GFPT1: variants seen among roughly 807,000 people sequenced by gnomAD.
GFPT1 encodes glutamine--fructose-6-phosphate transaminase 1.
In GFPT1, 40 loss-of-function variants were observed where a neutral mutation model predicts 92.0. That is an observed-to-expected ratio of 0.43 (90% confidence interval 0.34 to 0.57). The LOEUF is 0.57. Among genes scored for constraint, GFPT1 ranks in the 20% least tolerant of loss-of-function variants. The pLI is 0.02. For missense variants in GFPT1, 448 were observed against 869.1 expected (o/e 0.52, Z 6.09); for synonymous variants, 269 against 280.6 (o/e 0.96, Z 0.41).
Position 69,320,234 on chromosome 2 carries a change from A to C in GFPT1, c.*5955T>G. 6.6e-6 allele frequency: 1 copy of C among 152,206 alleles called. No homozygotes were observed. Among genetic ancestry groups the C allele is most frequent in the East Asian group, 1.9e-4 (1 of 5,200 alleles). 9.4% of individuals were successfully genotyped at this position (152,206 alleles called of 1,614,324 possible). A position where few individuals can be genotyped will look rare whatever the true frequency, so the allele number is the denominator to read the frequency against. ...GTACAATCTTAAATTATTGTTTATC[A>C]ACCTTTGGGTCTCACAGATTAAGAA... On this transcript the variant is annotated 3_prime_UTR_variant, in exon 20 of 20. Coordinates refer to ENST00000357308, the MANE Select transcript of GFPT1 (RefSeq NM_001244710.2).
In GFPT1 at chr2:69,324,702, A is replaced by T. The variant is rs1441930838; in HGVS notation, c.*1487T>A. 2.0e-5 allele frequency: 3 copies of T among 152,164 alleles called. No homozygotes were observed. Among genetic ancestry groups the T allele is most frequent in the Non-Finnish European group, 1.5e-5 (1 of 68,020 alleles). 9.4% of individuals were successfully genotyped at this position (152,164 alleles called of 1,614,324 possible). A position where few individuals can be genotyped will look rare whatever the true frequency, so the allele number is the denominator to read the frequency against. On this transcript the variant is annotated 3_prime_UTR_variant, in exon 20 of 20. Coordinates refer to ENST00000357308, the MANE Select transcript of GFPT1 (RefSeq NM_001244710.2). ...GAAAAGAAAGAAAAGAAAGGAAAAA[A>T]CAGCTTACTTAAATAATTGTGCTAA... is the stretch of plus-strand genomic sequence containing the variant.
Position 69,351,980 on chromosome 2 carries a change from G to C in GFPT1, c.740-1797C>G, listed in dbSNP as rs181206357. On this transcript the variant is annotated intron_variant, in intron 9 of 19. Coordinates refer to ENST00000357308, the MANE Select transcript of GFPT1 (RefSeq NM_001244710.2). ...ATATTACTGTATGTTAAAAAACAGA[G>C]ACCAGGCACAGTGGCTCATGCTTTT... Among the ~76,000 whole-genome samples the C allele has an allele frequency of 2.2e-3, 342 of 152,300 alleles. 2 individuals are homozygous for C. Among genetic ancestry groups the C allele is most frequent in the African/African-American group, 7.7e-3 (319 of 41,580 alleles).
rs149897038 is a variant in GFPT1 at position 69,376,491 on chromosome 2, C to G, written c.8-2378G>C. Among the ~76,000 whole-genome samples the G allele has an allele frequency of 2.6e-3, 397 of 151,628 alleles. 3 individuals carry two copies. Among genetic ancestry groups the G allele is most frequent in the Middle Eastern group, 0.014 (4 of 294 alleles). ...CCGAGATCGCACTGCTGCACTCCAG[C>G]CTGGGAGACAGAGCGAGACTCCATC... On this transcript the variant is annotated intron_variant, in intron 1 of 19. Transcript: ENST00000357308.
At position 69,328,443 on chromosome 2, in the gene GFPT1, T is replaced by C. The variant is rs369509093; in HGVS notation, c.1726-5A>G. ...ATAAGTAATTTCTTTGATTTTCTAA[T>C]AGGAAAGAACCAGATTTGTCTTCAA... On this transcript the variant is annotated splice_polypyrimidine_tract_variant and splice_region_variant and intron_variant, in intron 17 of 19. Transcript: ENST00000357308. 20 of 1,606,184 alleles carry C rather than the reference T, an allele frequency of 1.2e-5. No homozygotes were observed. The highest frequency in any genetic ancestry group is 1.7e-5 in the Non-Finnish European group (20 of 1,172,794).
intron 15 of GFPT1, among the ~76,000 whole-genome samples, chr2:69,336,609 T>C (rs1670805654): frequency 6.7e-6 from 1 of 149,722 alleles, no homozygotes; most frequent in East Asian, 1.9e-4. Context: ...AAGTAACACA[T>C]TGGACAACAT....
At chr2:69,352,797 G>T (rs560512925) in intron 9 of GFPT1, among the ~76,000 whole-genome samples, 1 of 152,080 alleles carries the variant, frequency 6.6e-6, no homozygotes, top group African/African-American at 2.4e-5. Flanking sequence ...TGTAATCCCA[G>T]CACTTTGGGA....
intron 10 of GFPT1, 130 bp downstream of exon 10, chr2:69,349,948 A>C: frequency 1.4e-6 from 1 of 712,044 alleles, no homozygotes; most frequent in Non-Finnish European, 2.5e-6. Flanking sequence ...CAAAATGGTC[A>C]CCTGTATTTC....
rs115257476 is a variant in GFPT1, at chr2:69,349,403, T to C, written c.845+675A>G. On this transcript the variant is annotated intron_variant, in intron 10 of 19. Coordinates refer to ENST00000357308, the MANE Select transcript of GFPT1 (RefSeq NM_001244710.2). ...CACACCTTACACACCTGTAAAAACA[T>C]TAAAGAGTAAAGCTTGTTTTCCCAC... 3.5e-3 allele frequency among the ~76,000 whole-genome samples: 533 copies of C among 152,300 alleles called. 3 individuals are homozygous for C. Among genetic ancestry groups the C allele is most frequent in the African/African-American group, 0.012 (515 of 41,568 alleles).
intron 13 of GFPT1, among the ~76,000 whole-genome samples, chr2:69,339,835 G>A (rs183637120): frequency 9.9e-5 from 15 of 152,140 alleles, no homozygotes; most frequent in Non-Finnish European, 1.9e-4. Context: ...GAAAATCATT[G>A]AAGATAAAAT....
intron 12 of GFPT1, among the ~76,000 whole-genome samples, chr2:69,343,414 C>CTT (rs113621682): frequency 1.3e-4 from 19 of 143,622 alleles, no homozygotes; most frequent in Admixed American, 2.8e-4. Flanking sequence ...ATCTCCTCAC[C>CTT]TTTTTTTTTT....
chr2:69,374,859 T>C (rs1370170256), intron 1 of GFPT1, among the ~76,000 whole-genome samples: 1 of 152,158 alleles, frequency 6.6e-6, no homozygotes, highest in Non-Finnish European at 1.5e-5. Flanking sequence ...ATAAATGATA[T>C]GAAAAATACT....
intron 2 of GFPT1, among the ~76,000 whole-genome samples, chr2:69,372,282 A>C (rs1671770089): frequency 2.0e-5 from 3 of 149,042 alleles, no homozygotes; most frequent in Non-Finnish European, 3.0e-5. Context: ...TCTAGAAAAG[A>C]ATATTGGCTG....
In GFPT1 at chr2:69,360,328, CA is replaced by C. The variant is rs576395697; in HGVS notation, c.350-1003del. On this transcript the variant is annotated intron_variant, in intron 4 of 19. Transcript: ENST00000357308. ...TGGGCAACAGAGTGAGATTCTGTCT[CA>C]AAAAAAAAAAAAAAAAAAAAAATCC... Among the ~76,000 whole-genome samples, 483 of 78,436 alleles carry C rather than the reference CA, an allele frequency of 6.2e-3. 1 individual carries two copies. Among genetic ancestry groups the C allele is most frequent in the Middle Eastern group, 0.017 (3 of 178 alleles). The allele number at this position is 78,436 out of a possible 152,430, so 51.5% of individuals were successfully genotyped here. A position where few individuals can be genotyped will look rare whatever the true frequency, so the allele number is the denominator to read the frequency against.
At chr2:69,364,928 G>C (rs900290732) in intron 3 of GFPT1, among the ~76,000 whole-genome samples, 1 of 135,812 alleles carries the variant, frequency 7.4e-6, no homozygotes, top group Non-Finnish European at 1.5e-5. Context: ...CCAGGAGGTA[G>C]AGGTTACAGT....
chr2:69,327,423 C>T (rs997604663), intron 18 of GFPT1, among the ~76,000 whole-genome samples: 2 of 152,108 alleles, frequency 1.3e-5, no homozygotes, highest in African/African-American at 2.4e-5. Flanking sequence ...GAAGAAAACT[C>T]AATTATATAA....
At chr2:69,361,662 T>C (rs1190998926) in intron 4 of GFPT1, among the ~76,000 whole-genome samples, 1 of 152,062 alleles carries the variant, frequency 6.6e-6, no homozygotes, top group Middle Eastern at 3.2e-3. Flanking sequence ...GAAGCCTAAA[T>C]AGGCAGCTTC....
In GFPT1 at chr2:69,342,256, T is replaced by G. The variant is rs1287100343; in HGVS notation, c.1106-7A>C. ...TTCAAACCACCCAAATTCACTGAAA[T>G]AAAAGTTTGTGTACATAATTATTTA... On this transcript the variant is annotated splice_polypyrimidine_tract_variant and splice_region_variant and intron_variant, in intron 12 of 19. Coordinates refer to ENST00000357308, the MANE Select transcript of GFPT1 (RefSeq NM_001244710.2). The G allele has an allele frequency of 8.4e-6, 13 of 1,552,446 alleles. No individual in the cohort carries two copies. The highest frequency in any genetic ancestry group is 1.2e-5 in the Non-Finnish European group (13 of 1,124,106).
chr2:69,353,327 A>G (rs534383063), intron 9 of GFPT1, among the ~76,000 whole-genome samples: 3 of 152,270 alleles, frequency 2.0e-5, no homozygotes, highest in Middle Eastern at 3.4e-3. Flanking sequence ...CCTTAAGCCC[A>G]AGAGTTTGAG....
At chr2:69,331,874 T>TA (rs911439105) in intron 15 of GFPT1, among the ~76,000 whole-genome samples, 8 of 151,972 alleles carry the variant, frequency 5.3e-5, no homozygotes, top group African/African-American at 9.7e-5. Context: ...TCTCTAAAAT[T>TA]AAAAAAAAGA....
Sources: allele counts gnomAD v4.1 joint callset (sites outside exome capture counted in the v4.1 genomes callset), GRCh38; gene constraint gnomAD v4.1.1; transcripts MANE v1.5; gene names NCBI Gene and HGNC (gene_info 2026-07-23, HGNC 2026-07-21).